The following ZNF273 variants were observed in gnomAD, a reference collection of about 807,000 sequenced individuals.
The protein encoded by ZNF273 is zinc finger protein 273, also known as zinc finger protein 9.
ZNF273 carries 11 observed loss-of-function variants against 14.9 expected under a neutral mutation model. That is an observed-to-expected ratio of 0.74 (90% CI 0.46 to 1.22). The LOEUF (loss-of-function observed/expected upper bound fraction) is 1.22. Among genes scored for constraint, ZNF273 ranks in the 50% most tolerant of loss-of-function variants. The probability of loss-of-function intolerance (pLI) is 0.00; values close to 1 mark genes in which losing one functional copy is unlikely to be tolerated. For missense variants in ZNF273, 577 were observed against 660.6 expected (o/e 0.87, Z 1.39); for synonymous variants, 199 against 223.9 (o/e 0.89, Z 0.99).
At chr7:64,897,481 CA>C (rs1269828214) in exon 4 of ZNF273, 1 of 151,796 alleles carries the variant, frequency 6.6e-6, no homozygotes, top group Non-Finnish European at 1.5e-5. Context: ...CGCCCGCCAC[CA>C]CACCCAGCTA....
At chr7:64,886,864 T>C (rs6970057) in intron 1 of ZNF273, among the ~76,000 whole-genome samples, 1 of 152,134 alleles carries the variant, frequency 6.6e-6, no homozygotes, top group Admixed American at 6.5e-5. Context: ...AGAATGAAAA[T>C]GGAAAACATA....
chr7:64,911,063 C>G (rs149780682), intron 1 of ZNF273, among the ~76,000 whole-genome samples: 2 of 152,090 alleles, frequency 1.3e-5, no homozygotes, highest in African/African-American at 4.8e-5. Context: ...AGCCACTGCA[C>G]TGGGCTAAAG....
downstream of ZNF273, chr7:64,890,088 C>G (rs1791883954): frequency 6.6e-6 from 1 of 152,056 alleles, no homozygotes; most frequent in African/African-American, 2.4e-5. Context: ...CACCCTCACT[C>G]AGGGCTGTGA....
chr7:64,931,216 C>A (rs1230750962), downstream of ZNF273, among the ~76,000 whole-genome samples: 2 of 151,998 alleles, frequency 1.3e-5, no homozygotes, highest in Non-Finnish European at 2.9e-5. Flanking sequence ...AATAAGGTGA[C>A]TAATTTATTA....
At chr7:64,937,201 G>C in the ZNF273 span, among the ~76,000 whole-genome samples, 1 of 152,148 alleles carries the variant, frequency 6.6e-6, no homozygotes. Context: ...TTTTCTTTCA[G>C]TGATTTCTAT....
chr7:64,917,856 C>T (rs527911325), intron 2 of ZNF273, 149 bp downstream of exon 2: 2 of 914,360 alleles, frequency 2.2e-6, no homozygotes, highest in East Asian at 7.4e-5. Context: ...TGAATTTCTT[C>T]AAGATGTTTC....
At chr7:64,890,616 C>T (rs1296390540), downstream of ZNF273, among the ~76,000 whole-genome samples, 1 of 152,192 alleles carries the variant, frequency 6.6e-6, no homozygotes, top group African/African-American at 2.4e-5. Context: ...TGGCAGGTCC[C>T]ATGTCCCTGA....
downstream of ZNF273, chr7:64,893,935 A>G (rs562139298): frequency 6.6e-6 from 1 of 152,182 alleles, no homozygotes; most frequent in Non-Finnish European, 1.5e-5. Context: ...GTCATTTCTC[A>G]TGTTTTTAAT....
At chr7:64,917,761 A>G (rs1794117093) in intron 2 of ZNF273, 54 bp downstream of exon 2, 1 of 1,500,088 alleles carries the variant, frequency 6.7e-7, no homozygotes, top group Non-Finnish European at 8.9e-7. Flanking sequence ...TTTCTGTAGA[A>G]TGTTTTTTGG....
chr7:64,900,120 T>C (rs538300014), upstream of ZNF273, among the ~76,000 whole-genome samples: 12 of 147,046 alleles, frequency 8.2e-5, no homozygotes, highest in East Asian at 3.9e-4. Context: ...TTCTCTCTCT[T>C]TTTTTTTTTT....
At chr7:64,899,465 G>A (rs1189700047), upstream of ZNF273, among the ~76,000 whole-genome samples, 2 of 152,124 alleles carry the variant, frequency 1.3e-5, no homozygotes, top group African/African-American at 2.4e-5. Context: ...GACCGGCCTT[G>A]CCAACATGGT....
At chr7:64,933,048 T>C (rs1340502650), downstream of ZNF273, among the ~76,000 whole-genome samples, 1 of 152,112 alleles carries the variant, frequency 6.6e-6, no homozygotes, top group Non-Finnish European at 1.5e-5. Context: ...CTCGGCTCAC[T>C]GCAACCTTCG....
At chr7:64,932,384 C>T (rs1209615784), downstream of ZNF273, among the ~76,000 whole-genome samples, 1 of 152,058 alleles carries the variant, frequency 6.6e-6, no homozygotes, top group African/African-American at 2.4e-5. Flanking sequence ...GATCTTGGCT[C>T]ACCACAACCT....
intron 1 of ZNF273, among the ~76,000 whole-genome samples, chr7:64,905,819 G>A (rs888678177): frequency 2.0e-5 from 3 of 152,114 alleles, no homozygotes; most frequent in African/African-American, 7.2e-5. Context: ...GCCACTCTCT[G>A]GGGGTTTATC....
At chr7:64,918,174 G>A (rs750511497) in intron 2 of ZNF273, 23 bp from the exon 3 acceptor site, 2 of 1,540,896 alleles carry the variant, frequency 1.3e-6, no homozygotes, top group South Asian at 2.2e-5. Context: ...CAAGATTCAT[G>A]TTACTCATTT....
upstream of ZNF273, among the ~76,000 whole-genome samples, chr7:64,900,157 C>T (rs191100557): frequency 8.2e-4 from 124 of 150,592 alleles, no homozygotes; most frequent in African/African-American, 2.8e-3. Context: ...GACCAAGTCT[C>T]GCTCTGTCAC....
downstream of ZNF273, among the ~76,000 whole-genome samples, chr7:64,892,099 G>A (rs1792071252): frequency 6.6e-6 from 1 of 152,178 alleles, no homozygotes; most frequent in South Asian, 2.1e-4. Context: ...AAATAAAACT[G>A]CATGCCTCCT....
intron 3 of ZNF273, among the ~76,000 whole-genome samples, chr7:64,918,927 T>C (rs115949779): frequency 0.011 from 1,625 of 152,302 alleles, 30 homozygotes; most frequent in African/African-American, 0.035. Context: ...CACAGATATC[T>C]GCATAATTTT....
Position 64,912,826 on chromosome 7 carries a change from G to GTTTTTTGTT in ZNF273, c.103-4749_103-4748insGTTTTTTTT. Among the ~76,000 whole-genome samples, 2 of 36,568 alleles carry GTTTTTTGTT rather than the reference G, an allele frequency of 5.5e-5. 1 individual carries two copies. The highest frequency in any genetic ancestry group is 1.6e-4 in the African/African-American group (2 of 12,202). The allele number at this position is 36,568 out of a possible 152,430, so 24.0% of individuals were successfully genotyped here. A position where few individuals can be genotyped will look rare whatever the true frequency, so the allele number is the denominator to read the frequency against. On this transcript the variant is annotated intron_variant, in intron 1 of 3. Transcript: ENST00000476120. ...TCTTTTTGACTCAGGATTCATTTTAGTTTTTTTTTTTTTTTTTTTTGAGAT... is the reference window on the plus strand; with the variant it reads ...TCTTTTTGACTCAGGATTCATTTTAGTTTTTTGTTTTTTTTTTTTTTTTTTTTTTGAGAT...
Sources: gnomAD v4.1 joint callset for allele counts (sites outside exome capture counted in the v4.1 genomes callset) on GRCh38, gnomAD v4.1.1 for gene constraint, MANE v1.5 for transcripts, NCBI Gene and HGNC (gene_info 2026-07-23, HGNC 2026-07-21) for gene names.